EPG5: variants seen among roughly 807,000 people sequenced by gnomAD.
The protein encoded by EPG5 is ectopic P-granules 5 autophagy tethering factor.
In EPG5, 159 loss-of-function variants were observed where a neutral mutation model predicts 302.7. That is an observed-to-expected ratio of 0.53 (90% CI 0.46 to 0.60). The LOEUF is 0.60. Ranked by LOEUF, EPG5 falls within the 20% of genes least tolerant of loss-of-function variation. EPG5 has a pLI of 0.00. For synonymous variants in EPG5, 1,158 were observed against 1,136.8 expected (o/e 1.02, Z -0.37); for missense variants, 2,896 against 3,092.4 (o/e 0.94, Z 1.51).
chr18:45,878,781 T>C (rs755214830), intron 33 of EPG5, among the ~76,000 whole-genome samples: 4 of 152,222 alleles, frequency 2.6e-5, no homozygotes, highest in Non-Finnish European at 4.4e-5. Flanking sequence ...TACCCCAACC[T>C]GCAAAGGAGG....
the EPG5 span, chr18:45,829,121 T>C: frequency 1.3e-5 from 13 of 985,470 alleles, no homozygotes; most frequent in Non-Finnish European, 1.6e-5. Flanking sequence ...AGAGCAGCAC[T>C]CTGGGGTGGG....
intron 10 of EPG5, 130 bp from the exon 11 acceptor site, chr18:45,935,096 A>G: frequency 4.2e-6 from 4 of 941,970 alleles, no homozygotes; most frequent in Non-Finnish European, 6.3e-6. Context: ...TGCTTTAGTC[A>G]TAAACACCTC....
chr18:45,967,170 T>G lies in EPG5; in HGVS notation c.63+7A>C, dbSNP rs372285234. On this transcript the variant is annotated splice_region_variant and intron_variant, in intron 1 of 43. Coordinates refer to ENST00000282041, the MANE Select transcript of EPG5 (RefSeq NM_020964.3). ...CAGAGCCTCGGGAGGGTGGGGGAGA[T>G]CCTCACCTTTGTTTTAGTCCGGCTG... 45 of 1,594,856 alleles carry G rather than the reference T, an allele frequency of 2.8e-5. No individual in the cohort carries two copies. The highest frequency in any genetic ancestry group is 3.7e-5 in the Non-Finnish European group (43 of 1,170,816).
chr18:45,963,364 A>C (rs1476782265), intron 1 of EPG5, among the ~76,000 whole-genome samples: 1 of 152,228 alleles, frequency 6.6e-6, no homozygotes. Flanking sequence ...GCAGGAAAGA[A>C]TATAAAGGTT....
In EPG5 at chr18:45,925,804, C is replaced by A; in HGVS notation, c.2652G>T (p.Leu884=). The A allele has an allele frequency of 1.3e-6, 2 of 1,576,496 alleles. No individual in the cohort carries two copies. The highest frequency in any genetic ancestry group is 1.7e-6 in the Non-Finnish European group (2 of 1,164,986). The part of the protein sequence containing the change: ...VIRDWLLNYN[L]TVVKNKLACV... ...AGGCCAGTTTATTCTTCACCACTGT[C>A]AGGTTGTAATTCAATAACCAATCCC... is the stretch of plus-strand genomic sequence containing the variant. Residue 884 remains leucine, a synonymous_variant, in exon 14 of 44, where the codon CTG becomes CTT. Transcript: ENST00000282041.
chr18:45,827,503 G>C, the EPG5 span, among the ~76,000 whole-genome samples: 2 of 152,346 alleles, frequency 1.3e-5, no homozygotes, highest in East Asian at 3.9e-4. Context: ...GTCAATGGGA[G>C]AGGGGTTGAG....
intron 9 of EPG5, among the ~76,000 whole-genome samples, chr18:45,941,678 A>C (rs2145895703): frequency 6.6e-6 from 1 of 152,332 alleles, no homozygotes; most frequent in East Asian, 1.9e-4. Context: ...TGAGAGAATA[A>C]AATAAGAAAT....
In EPG5 at chr18:45,848,129, T is replaced by C. The variant is rs2048381734; in HGVS notation, c.*4338A>G. The C allele has an allele frequency of 6.6e-6, 1 of 152,076 alleles. No homozygotes were observed. The highest frequency in any genetic ancestry group is 2.1e-4 in the South Asian group (1 of 4,816). 9.4% of individuals were successfully genotyped at this position (152,076 alleles called of 1,614,324 possible). Reference sequence around the variant, plus strand: ...CCAAAATGAAGTCTGCGTTAGTAAGTCTAGAACTTTACCCAGCACAACCCA... The same window carrying C: ...CCAAAATGAAGTCTGCGTTAGTAAGCCTAGAACTTTACCCAGCACAACCCA... On this transcript the variant is annotated 3_prime_UTR_variant, in exon 44 of 44. Coordinates refer to ENST00000282041, the MANE Select transcript of EPG5 (RefSeq NM_020964.3).
At chr18:45,919,607 G>T (rs1463440630) in intron 16 of EPG5, among the ~76,000 whole-genome samples, 2 of 151,078 alleles carry the variant, frequency 1.3e-5, no homozygotes, top group Non-Finnish European at 2.9e-5. Flanking sequence ...CCGCCTCCCA[G>T]GTTCACGCCA....
At position 45,954,914 on chromosome 18, in the gene EPG5, G is replaced by C. The variant is rs1167290983; in HGVS notation, c.488C>G (p.Thr163Ser). The change falls in exon 2 of 44, where the codon ACT (threonine) becomes AGT (serine). Residue 163 changes from threonine to serine, a missense_variant. Physicochemically the swap from Thr to Ser is moderately conservative, Grantham distance 58. This residue lies in a region of EPG5 where 1,390 missense variants were observed against 1,430.0 expected (regional missense o/e 0.97). Coordinates refer to ENST00000282041, the MANE Select transcript of EPG5 (RefSeq NM_020964.3). ...TTGTATATTTTCCATTGCTGGCTGAGTATAAGAAAAATTAGATTGGGGTGC... is the reference window on the plus strand; with the variant it reads ...TTGTATATTTTCCATTGCTGGCTGACTATAAGAAAAATTAGATTGGGGTGC... ...ESAPQSNFSY[T>S]QPAMENIQVR... The C allele has an allele frequency of 6.2e-7, 1 of 1,613,406 alleles. No homozygotes were observed. Among genetic ancestry groups the C allele is most frequent in the Non-Finnish European group, 8.5e-7 (1 of 1,179,808 alleles).
At chr18:45,936,944 A>C (rs1320643740) in intron 10 of EPG5, among the ~76,000 whole-genome samples, 1 of 152,060 alleles carries the variant, frequency 6.6e-6, no homozygotes, top group African/African-American at 2.4e-5. Flanking sequence ...CTATGAACCT[A>C]AACAGGCAAC....
At position 45,928,992 on chromosome 18, in the gene EPG5, C is replaced by T; in HGVS notation, c.2430G>A (p.Leu810=). 1.9e-6 allele frequency: 3 copies of T among 1,613,836 alleles called. No individual in the cohort carries two copies. The highest frequency in any genetic ancestry group is 2.5e-6 in the Non-Finnish European group (3 of 1,179,882). The change falls in exon 13 of 44, where the codon TTG becomes TTA. Residue 810 remains leucine (L), a synonymous_variant. Coordinates refer to ENST00000282041, the MANE Select transcript of EPG5 (RefSeq NM_020964.3). ...CCTTTGAAAAAGTCTCTCTGGTAGA[C>T]AAGGTGACATAAGATACCTAAATGG... ...LEIYEVSYVT[L]STRETFSKVG... is the part of the protein sequence containing the mutation.
chr18:45,826,444 C>G, the EPG5 span, among the ~76,000 whole-genome samples: 166 of 152,288 alleles, frequency 1.1e-3, no homozygotes, highest in African/African-American at 3.9e-3. Flanking sequence ...TTCTTTGGCT[C>G]CACCCCAGAC....
chr18:45,893,175 G>C (rs749860720), intron 27 of EPG5, among the ~76,000 whole-genome samples: 1 of 152,198 alleles, frequency 6.6e-6, no homozygotes, highest in Non-Finnish European at 1.5e-5. Context: ...ATGCAGGCTT[G>C]AATCCTGATG....
At chr18:45,863,018 T>C (rs796525033) in intron 39 of EPG5, among the ~76,000 whole-genome samples, 9 of 152,350 alleles carry the variant, frequency 5.9e-5, no homozygotes, top group African/African-American at 2.2e-4. Context: ...TTTTTTTCTT[T>C]GTCATGCAAC....
At chr18:45,920,823 C>T (rs1452636823) in intron 16 of EPG5, among the ~76,000 whole-genome samples, 3 of 152,194 alleles carry the variant, frequency 2.0e-5, no homozygotes, top group Non-Finnish European at 2.9e-5. Context: ...ATCCAAACTG[C>T]GACAGATGTC....
In EPG5 at chr18:45,943,921, A is replaced by G. The variant is rs2050729918; in HGVS notation, c.1792+84T>C. ...GGGCGACACAGCAAGACTCCATCTCAAAAAAAAAAAGAAGACTCAATGCAG... is the reference window on the plus strand; with the variant it reads ...GGGCGACACAGCAAGACTCCATCTCGAAAAAAAAAAGAAGACTCAATGCAG... On this transcript the variant is annotated intron_variant, in intron 8 of 43. Transcript: ENST00000282041. 6 of 417,676 alleles carry G rather than the reference A, an allele frequency of 1.4e-5. No individual in the cohort carries two copies. The Admixed American group carries it at 1.9e-4, about 13-fold the overall frequency. 25.9% of individuals were successfully genotyped at this position (417,676 alleles called of 1,614,324 possible). A position where few individuals can be genotyped will look rare whatever the true frequency, so the allele number is the denominator to read the frequency against.
intron 1 of EPG5, among the ~76,000 whole-genome samples, chr18:45,961,895 C>T (rs1050554302): frequency 6.6e-6 from 1 of 151,580 alleles, no homozygotes; most frequent in African/African-American, 2.4e-5. Context: ...ACCACCCATC[C>T]TAACCTCTCA....
rs150567949 is a variant in EPG5, at chr18:45,916,210, T to A, written c.3385-4A>T. 1.5e-4 allele frequency: 245 copies of A among 1,604,350 alleles called. 1 individual carries two copies. The African/African-American group carries it at 3.0e-3, about 19-fold the overall frequency. On this transcript the variant is annotated splice_region_variant and splice_polypyrimidine_tract_variant and intron_variant, in intron 18 of 43. Transcript: ENST00000282041. ...GAGTGCTTACAGATATGTGTGCCTG[T>A]GGAGAAAAGGCTCATGTGATGGGAA...
Sources: allele counts gnomAD v4.1 joint callset (sites outside exome capture counted in the v4.1 genomes callset), GRCh38; gene constraint gnomAD v4.1.1; regional missense constraint gnomAD v4.1.1; transcripts MANE v1.5; gene names NCBI Gene and HGNC (gene_info 2026-07-23, HGNC 2026-07-21).